XKRX: variants seen among roughly 807,000 people sequenced by gnomAD.
XKRX encodes the protein XK related X-linked, also known as XK-related protein 2.
A neutral mutation model predicts 22.4 loss-of-function variants in XKRX; 11 were observed. The ratio of observed to expected loss-of-function variants is 0.49; its 90% CI spans 0.31 to 0.81. XKRX has a LOEUF of 0.81. XKRX is among the 40% of genes least tolerant of loss of function. XKRX has a pLI of 0.05. For missense variants in XKRX, 320 were observed against 336.5 expected (o/e 0.95, Z 0.38); for synonymous variants, 114 against 132.2 (o/e 0.86, Z 0.94).
At chrX:100,921,033 CTGGGAT>C (rs2085469655) in intron 2 of XKRX, among the ~76,000 whole-genome samples, 1 of 111,447 alleles carries the variant, frequency 9.0e-6, no homozygotes. Context: ...TCCCAAGTAG[CTGGGAT>C]TATAAGCATC....
chrX:100,904,243 T>C, the XKRX span, among the ~76,000 whole-genome samples: 1 of 111,365 alleles, frequency 9.0e-6, no homozygotes, highest in East Asian at 2.8e-4. Context: ...GATGGTCTTT[T>C]CAACAAATAA....
chrX:100,901,290 G>T, the XKRX span, among the ~76,000 whole-genome samples: 1 of 111,883 alleles, frequency 8.9e-6, no homozygotes, highest in Non-Finnish European at 1.9e-5. Flanking sequence ...TACATTTAAA[G>T]AATTAGGTTA....
chrX:100,928,625 A>T lies in XKRX; in HGVS notation c.-321T>A. The T allele has an allele frequency of 1.2e-6, 1 of 851,017 alleles. No individual in the cohort carries two copies. Among genetic ancestry groups the T allele is most frequent in the Non-Finnish European group, 1.4e-6 (1 of 703,331 alleles). The allele number at this position is 851,017 out of a possible 1,213,427, so 70.1% of individuals were successfully genotyped here. Reference sequence around the variant, plus strand: ...ATCCCAGCGCCCCATCCAGAGTCCAACTCCAGGGACGTGAAGAGTCATGAG... The same window carrying T: ...ATCCCAGCGCCCCATCCAGAGTCCATCTCCAGGGACGTGAAGAGTCATGAG... On this transcript the variant is annotated 5_prime_UTR_variant, in exon 1 of 3. In the 5' UTR this introduces an upstream ATG that the reference lacks. Coordinates refer to ENST00000372956, the MANE Select transcript of XKRX (RefSeq NM_212559.3).
the XKRX span, among the ~76,000 whole-genome samples, chrX:100,954,549 C>A: frequency 3.6e-5 from 4 of 111,819 alleles, no homozygotes; most frequent in African/African-American, 1.3e-4. Context: ...TATGACCTAG[C>A]AATTCCACTC....
At chrX:100,930,086 C>G (rs1164776268), upstream of XKRX, among the ~76,000 whole-genome samples, 1 of 109,060 alleles carries the variant, frequency 9.2e-6, no homozygotes, top group East Asian at 2.9e-4. Context: ...GTCAGGAGTT[C>G]GAAACCAGCC....
In XKRX at chrX:100,914,492, A is replaced by G. The variant is rs1439963694; in HGVS notation, c.1196T>C (p.Leu399Pro). The change falls in exon 3 of 3, where the codon CTC (leucine) becomes CCC (proline). Residue 399 changes from leucine (L) to proline (P), a missense_variant. Physicochemically the swap from Leu to Pro is moderately conservative, Grantham distance 98. Transcript: ENST00000372956. ...IAYLISIGFM[L>P]LFFQYLHPLR... ...TGGATGCAAGTACTGGAAGAAAAGG[A>G]GCATGAAGCCAATGGAAATCAGATA... 3.3e-6 allele frequency: 4 copies of G among 1,212,065 alleles called. No individual in the cohort carries two copies. The highest frequency in any genetic ancestry group is 1.1e-6 in the Non-Finnish European group (1 of 895,576).
At chrX:100,909,196 C>T (rs1165847718), downstream of XKRX, among the ~76,000 whole-genome samples, 1 of 112,000 alleles carries the variant, frequency 8.9e-6, no homozygotes, top group Admixed American at 9.5e-5. Flanking sequence ...ATGGGCCCCT[C>T]TACCATCCTT....
chrX:100,931,149 A>G (rs1400692117), upstream of XKRX, among the ~76,000 whole-genome samples: 1 of 85,422 alleles, frequency 1.2e-5, no homozygotes, highest in Non-Finnish European at 2.4e-5. Flanking sequence ...ATAAAAATTA[A>G]AAATAAAAAA....
the XKRX span, among the ~76,000 whole-genome samples, chrX:100,896,941 T>G: frequency 1.8e-5 from 2 of 111,884 alleles, no homozygotes; most frequent in African/African-American, 6.5e-5. Context: ...TTTATCAAGT[T>G]GGTGGCATAA....
At chrX:100,936,864 GT>G in the XKRX span, among the ~76,000 whole-genome samples, 1 of 108,928 alleles carries the variant, frequency 9.2e-6, no homozygotes, top group Non-Finnish European at 1.9e-5. Context: ...TTCTCACCTG[GT>G]CCCCCCACCC....
At chrX:100,900,107 C>T in the XKRX span, among the ~76,000 whole-genome samples, 6 of 112,121 alleles carry the variant, frequency 5.4e-5, no homozygotes, top group African/African-American at 1.9e-4. Flanking sequence ...CTTGTAATCC[C>T]AGCACTTTGG....
At chrX:100,906,245 T>C in the XKRX span, among the ~76,000 whole-genome samples, 1 of 111,765 alleles carries the variant, frequency 8.9e-6, no homozygotes, top group Non-Finnish European at 1.9e-5. Context: ...TGAAGATACA[T>C]TGACACATCA....
At chrX:100,911,393 C>A, downstream of XKRX, 1 of 792,476 alleles carries the variant, frequency 1.3e-6, no homozygotes, top group Non-Finnish European at 1.9e-6. Flanking sequence ...CAAACTGGGA[C>A]TTGTGACGCA....
At chrX:100,905,492 G>A in the XKRX span, among the ~76,000 whole-genome samples, 8 of 111,829 alleles carry the variant, frequency 7.2e-5, no homozygotes, top group Admixed American at 3.8e-4. Flanking sequence ...TACAAATATC[G>A]TGTAAATTTA....
At chrX:100,911,744 C>T (rs1318070395), downstream of XKRX, among the ~76,000 whole-genome samples, 3 of 112,144 alleles carry the variant, frequency 2.7e-5, no homozygotes, top group Non-Finnish European at 3.8e-5. Flanking sequence ...CCATCTTCTC[C>T]TGTGTATCTG....
At chrX:100,951,306 A>G in the XKRX span, among the ~76,000 whole-genome samples, 1 of 106,723 alleles carries the variant, frequency 9.4e-6, no homozygotes, top group Non-Finnish European at 1.9e-5. Context: ...CCTATTGGGT[A>G]CTACATTTGC....
At chrX:100,919,359 A>T (rs2085460702) in intron 2 of XKRX, among the ~76,000 whole-genome samples, 1 of 112,064 alleles carries the variant, frequency 8.9e-6, no homozygotes, top group South Asian at 3.7e-4. Flanking sequence ...AATACATAAA[A>T]ATGTAATACT....
At chrX:100,930,626 C>A (rs981517398), upstream of XKRX, among the ~76,000 whole-genome samples, 1 of 111,235 alleles carries the variant, frequency 9.0e-6, no homozygotes, top group Non-Finnish European at 1.9e-5. Context: ...CTTTCCATTT[C>A]ATGAAGGAGG....
the XKRX span, among the ~76,000 whole-genome samples, chrX:100,893,451 C>T: frequency 9.0e-6 from 1 of 111,570 alleles, no homozygotes; most frequent in South Asian, 3.8e-4. Flanking sequence ...ATCTAGCTAT[C>T]CCACTACTGT....
Sources: allele counts gnomAD v4.1 joint callset (sites outside exome capture counted in the v4.1 genomes callset), GRCh38; gene constraint gnomAD v4.1.1; transcripts MANE v1.5; gene names NCBI Gene and HGNC (gene_info 2026-07-23, HGNC 2026-07-21).